Variants in OPCML observed in about 807,000 individuals in gnomAD.
The protein encoded by OPCML is opioid binding protein/cell adhesion molecule like.
In OPCML, 13 loss-of-function variants were observed where a neutral mutation model predicts 37.8. The ratio of observed to expected loss-of-function variants is 0.34; its 90% CI spans 0.22 to 0.55. The LOEUF (loss-of-function observed/expected upper bound fraction) is 0.55. Ranked by LOEUF, OPCML falls within the 20% of genes least tolerant of loss-of-function variation. OPCML has a pLI of 0.91. For missense variants in OPCML, 341 were observed against 435.6 expected (o/e 0.78, Z 1.93); for synonymous variants, 176 against 168.8 (o/e 1.04, Z -0.33).
chr11:132,697,305 T>C (rs1035811646), intron 2 of OPCML, among the ~76,000 whole-genome samples: 1 of 152,176 alleles, frequency 6.6e-6, no homozygotes, highest in African/African-American at 2.4e-5. Context: ...ATTTAAGAGA[T>C]CTTCTAGCAA....
At chr11:132,770,732 C>T (rs1946607984) in intron 2 of OPCML, among the ~76,000 whole-genome samples, 2 of 152,070 alleles carry the variant, frequency 1.3e-5, no homozygotes, top group African/African-American at 4.8e-5. Flanking sequence ...GAGGAGCCTA[C>T]TGGAAGCACG....
At chr11:133,210,105 C>T (rs994772211) in intron 1 of OPCML, among the ~76,000 whole-genome samples, 10 of 152,176 alleles carry the variant, frequency 6.6e-5, no homozygotes, top group African/African-American at 1.7e-4. Flanking sequence ...GCCTGACAGA[C>T]GAAGCTGGAA....
rs1392232721 is a variant in OPCML at position 133,141,092 on chromosome 11, AAGGAGAAGAAGAAGC to A, written c.62-198097_62-198083del. Among the ~76,000 whole-genome samples, 32 of 110,378 alleles carry A rather than the reference AAGGAGAAGAAGAAGC, an allele frequency of 2.9e-4. 8 individuals carry two copies. Among genetic ancestry groups the A allele is most frequent in the African/African-American group, 1.2e-3 (29 of 23,746 alleles). 72.4% of individuals were successfully genotyped at this position (110,378 alleles called of 152,430 possible). A position where few individuals can be genotyped will look rare whatever the true frequency, so the allele number is the denominator to read the frequency against. On this transcript the variant is annotated intron_variant, in intron 1 of 7. Transcript: ENST00000524381. ...GAAGAAGAAGAAGAAGAAGAAGAAG[AAGGAGAAGAAGAAGC>A]AGCTGAATGCCAAAGTGTGTGGACT... is the stretch of plus-strand genomic sequence containing the variant.
intron 2 of OPCML, among the ~76,000 whole-genome samples, chr11:132,857,976 G>A (rs1252513943): frequency 6.6e-6 from 1 of 152,164 alleles, no homozygotes; most frequent in Non-Finnish European, 1.5e-5. Context: ...CCGAGGCAAT[G>A]AGGACAGTGT....
At chr11:133,382,638 C>T (rs1351146277) in intron 1 of OPCML, among the ~76,000 whole-genome samples, 1 of 152,192 alleles carries the variant, frequency 6.6e-6, no homozygotes, top group African/African-American at 2.4e-5. Context: ...AAAACACACA[C>T]CCAGATTCAC....
intron 2 of OPCML, among the ~76,000 whole-genome samples, chr11:132,779,869 CTG>C (rs1339225289): frequency 1.3e-5 from 2 of 152,188 alleles, no homozygotes; most frequent in Non-Finnish European, 2.9e-5. Flanking sequence ...CAGACCGAAA[CTG>C]TTCTACAATT....
intron 2 of OPCML, among the ~76,000 whole-genome samples, chr11:132,920,600 C>A (rs942306750): frequency 6.6e-6 from 1 of 152,160 alleles, no homozygotes. Flanking sequence ...ACAGCCGCGG[C>A]CCCTGGGAGA....
At chr11:132,600,818 T>C (rs1340757312) in intron 3 of OPCML, among the ~76,000 whole-genome samples, 1 of 151,318 alleles carries the variant, frequency 6.6e-6, no homozygotes, top group Non-Finnish European at 1.5e-5. Flanking sequence ...ATAGTAAATA[T>C]CTGTTGATTC....
At chr11:132,756,676 C>A (rs992575834) in intron 2 of OPCML, among the ~76,000 whole-genome samples, 8 of 152,120 alleles carry the variant, frequency 5.3e-5, no homozygotes, top group African/African-American at 1.9e-4. Context: ...AATGAGGCTC[C>A]AAAATATTGG....
chr11:132,489,314 C>A (rs2096209023), intron 4 of OPCML, among the ~76,000 whole-genome samples: 2 of 152,136 alleles, frequency 1.3e-5, no homozygotes, highest in South Asian at 4.2e-4. Context: ...ATAACAATGC[C>A]TTCTTTGGGA....
At chr11:132,553,453 C>A (rs937461963) in intron 3 of OPCML, among the ~76,000 whole-genome samples, 3 of 152,122 alleles carry the variant, frequency 2.0e-5, no homozygotes, top group African/African-American at 4.8e-5. Flanking sequence ...CGACAAGTGA[C>A]CCCCACAAGG....
intron 2 of OPCML, among the ~76,000 whole-genome samples, chr11:132,725,235 C>G (rs570336666): frequency 6.6e-6 from 1 of 152,334 alleles, no homozygotes; most frequent in East Asian, 1.9e-4. Context: ...GAAATATTGA[C>G]TTCTGTGCAC....
chr11:132,960,556 G>A (rs898096343), intron 1 of OPCML, among the ~76,000 whole-genome samples: 21 of 152,256 alleles, frequency 1.4e-4, no homozygotes, highest in African/African-American at 4.8e-4. Context: ...AAATAAAGCT[G>A]CCTCTTCTGC....
At chr11:133,348,473 A>G (rs962403337) in intron 1 of OPCML, among the ~76,000 whole-genome samples, 1 of 152,172 alleles carries the variant, frequency 6.6e-6, no homozygotes, top group Non-Finnish European at 1.5e-5. Flanking sequence ...AGACATTTAG[A>G]AAGGCTTACT....
intron 1 of OPCML, among the ~76,000 whole-genome samples, chr11:133,000,109 T>C (rs1044636004): frequency 2.6e-5 from 4 of 152,178 alleles, no homozygotes; most frequent in African/African-American, 9.7e-5. Context: ...CAGGCTGGAG[T>C]GTGGTGACGT....
chr11:132,492,269 C>T (rs1455638230), intron 4 of OPCML, among the ~76,000 whole-genome samples: 1 of 151,754 alleles, frequency 6.6e-6, no homozygotes, highest in Admixed American at 6.6e-5. Context: ...GACTGAGGGG[C>T]CCGCGAGGAG....
chr11:132,506,211 A>C (rs1375911914), intron 4 of OPCML, among the ~76,000 whole-genome samples: 3 of 152,226 alleles, frequency 2.0e-5, no homozygotes, highest in Non-Finnish European at 1.5e-5. Flanking sequence ...AAAAATCTTC[A>C]TAGGTAAACA....
At chr11:132,793,751 C>T (rs1428374038) in intron 2 of OPCML, among the ~76,000 whole-genome samples, 1 of 152,182 alleles carries the variant, frequency 6.6e-6, no homozygotes, top group Non-Finnish European at 1.5e-5. Flanking sequence ...CAAGTCTGTC[C>T]CCCATCTCTC....
chr11:133,033,523 G>C (rs563181697), intron 1 of OPCML, among the ~76,000 whole-genome samples: 1 of 152,182 alleles, frequency 6.6e-6, no homozygotes, highest in South Asian at 2.1e-4. Flanking sequence ...GAAGAAAATT[G>C]TATATAAATA....
Sources: allele counts gnomAD v4.1 joint callset (sites outside exome capture counted in the v4.1 genomes callset), GRCh38; gene constraint gnomAD v4.1.1; transcripts MANE v1.5; gene names NCBI Gene and HGNC (gene_info 2026-07-23, HGNC 2026-07-21).